Variants in CTBP2 observed in about 807,000 individuals in gnomAD.
CTBP2 encodes C-terminal binding protein 2.
In CTBP2, 30 loss-of-function variants were observed where a neutral mutation model predicts 80.3. The observed-to-expected ratio is 0.37, with a 90% CI of 0.28 to 0.51. The LOEUF (loss-of-function observed/expected upper bound fraction) is 0.51, where lower values mean the gene tolerates loss of function less well. CTBP2 is among the 20% of genes least tolerant of loss of function. The pLI is 0.93. For missense variants in CTBP2, 1,212 were observed against 1,375.3 expected (o/e 0.88, Z 1.88); for synonymous variants, 594 against 587.4 (o/e 1.01, Z -0.16).
At chr10:125,045,270 G>C (rs1960939853) in intron 2 of CTBP2, among the ~76,000 whole-genome samples, 2 of 152,238 alleles carry the variant, frequency 1.3e-5, no homozygotes, top group South Asian at 4.1e-4. Context: ...CATTTCCTAG[G>C]CTCCAGAGCT....
intron 2 of CTBP2, among the ~76,000 whole-genome samples, chr10:125,062,837 C>T (rs1166904196): frequency 2.6e-5 from 4 of 152,182 alleles, no homozygotes; most frequent in Non-Finnish European, 4.4e-5. Context: ...GGCGCCTGGG[C>T]AACAAAGCGA....
In CTBP2 at chr10:125,111,102, A is replaced by C. The variant is rs1298957566; in HGVS notation, c.-205-9T>G. ...TTTAAGGTGATGAAACCCTGAAAGCAAAATGAATGGAGTCAGTGAAGATGA... is the reference window on the plus strand; with the variant it reads ...TTTAAGGTGATGAAACCCTGAAAGCCAAATGAATGGAGTCAGTGAAGATGA... On this transcript the variant is annotated splice_polypyrimidine_tract_variant and intron_variant, in intron 1 of 10. Transcript: ENST00000337195. 1.3e-5 allele frequency: 2 copies of C among 152,592 alleles called. No individual in the cohort carries two copies. Among genetic ancestry groups the C allele is most frequent in the Non-Finnish European group, 2.9e-5 (2 of 68,044 alleles). The allele number at this position is 152,592 out of a possible 1,614,324, so 9.5% of individuals were successfully genotyped here. A position where few individuals can be genotyped will look rare whatever the true frequency, so the allele number is the denominator to read the frequency against.
chr10:125,153,570 TCTC>T (rs749973002), intron 1 of CTBP2, among the ~76,000 whole-genome samples: 14 of 152,130 alleles, frequency 9.2e-5, no homozygotes, highest in Admixed American at 5.9e-4. Context: ...TCCAAACTCT[TCTC>T]CTCTCATTTC....
At chr10:125,056,433 C>T (rs1289942295) in intron 2 of CTBP2, among the ~76,000 whole-genome samples, 2 of 152,190 alleles carry the variant, frequency 1.3e-5, no homozygotes, top group Non-Finnish European at 2.9e-5. Flanking sequence ...TCCCCGAAAC[C>T]TCAGGTGCAG....
intron 3 of CTBP2, among the ~76,000 whole-genome samples, chr10:125,034,993 G>A (rs563819746): frequency 1.2e-4 from 18 of 152,126 alleles, no homozygotes; most frequent in Non-Finnish European, 2.2e-4. Context: ...TTCCTTATAC[G>A]TATGGATGAC....
chr10:125,029,395 C>G (rs1329728588), upstream of CTBP2, among the ~76,000 whole-genome samples: 1 of 152,024 alleles, frequency 6.6e-6, no homozygotes, highest in Non-Finnish European at 1.5e-5. Context: ...GTGTGCACCA[C>G]CACACCCAGC....
At chr10:125,044,320 C>T (rs1406080142) in intron 2 of CTBP2, among the ~76,000 whole-genome samples, 1 of 106,490 alleles carries the variant, frequency 9.4e-6, no homozygotes, top group Non-Finnish European at 2.2e-5. Context: ...CACACATAGC[C>T]GAGGATCCTG....
intron 1 of CTBP2, chr10:125,133,379 TCAATCC>T (rs1201812780): frequency 1.3e-5 from 2 of 152,240 alleles, no homozygotes; most frequent in Non-Finnish European, 2.9e-5. Context: ...AAGATGTGTC[TCAATCC>T]CATCGTGCCC....
rs74163306 is a variant in CTBP2, at chr10:125,014,098, G to A, written c.1679-10606C>T. 5.9e-3 allele frequency among the ~76,000 whole-genome samples: 891 copies of A among 152,256 alleles called. 12 individuals carry two copies. Among genetic ancestry groups the A allele is most frequent in the African/African-American group, 0.02 (843 of 41,540 alleles). On this transcript the variant is annotated intron_variant, in intron 1 of 8. Transcript: ENST00000309035. ...TCATCATGGTAACTGTTATCAGAAC[G>A]GCGGAGAACAGAAGGGCACATCCAA... is the stretch of plus-strand genomic sequence containing the variant.
At chr10:125,053,180 G>A (rs1370198631) in intron 2 of CTBP2, among the ~76,000 whole-genome samples, 1 of 152,164 alleles carries the variant, frequency 6.6e-6, no homozygotes, top group African/African-American at 2.4e-5. Flanking sequence ...TGCCCCTCAG[G>A]GCAGGTGCAG....
intron 2 of CTBP2, among the ~76,000 whole-genome samples, chr10:125,041,942 G>A (rs1441627785): frequency 4.7e-5 from 7 of 148,568 alleles, no homozygotes; most frequent in Admixed American, 4.0e-4. Flanking sequence ...AAAAAAAAAA[G>A]AGGCTGACTC....
chr10:125,149,353 C>A (rs1025049928), intron 1 of CTBP2, among the ~76,000 whole-genome samples: 1 of 152,162 alleles, frequency 6.6e-6, no homozygotes, highest in Non-Finnish European at 1.5e-5. Flanking sequence ...GGCCCCACCA[C>A]CCTCTTCCAG....
At chr10:125,003,190 C>A in intron 2 of CTBP2, 86 bp from the exon 5 acceptor site, 2 of 1,596,270 alleles carry the variant, frequency 1.3e-6, no homozygotes, top group South Asian at 1.1e-5. Context: ...CCCTATCACC[C>A]TTGAACCTGA....
chr10:125,097,986 C>T (rs1273798162), intron 2 of CTBP2, among the ~76,000 whole-genome samples: 5 of 152,008 alleles, frequency 3.3e-5, no homozygotes, highest in African/African-American at 7.2e-5. Flanking sequence ...CTGGGTGTGG[C>T]GGCGGGCGCC....
upstream of CTBP2, among the ~76,000 whole-genome samples, chr10:125,028,569 G>A (rs1204745475): frequency 2.6e-5 from 4 of 152,222 alleles, no homozygotes; most frequent in Admixed American, 6.5e-5. Flanking sequence ...ACAGGTTTCC[G>A]AGCTCAAGCC....
intron 2 of CTBP2, among the ~76,000 whole-genome samples, chr10:125,108,889 G>A (rs1851868629): frequency 6.6e-6 from 1 of 152,220 alleles, no homozygotes; most frequent in Admixed American, 6.5e-5. Context: ...TTACCCAAAA[G>A]GATGCCAAAA....
chr10:125,035,025 C>T (rs1958704301), intron 3 of CTBP2, among the ~76,000 whole-genome samples: 1 of 152,174 alleles, frequency 6.6e-6, no homozygotes, highest in Non-Finnish European at 1.5e-5. Context: ...GTACATCCCA[C>T]TGACATGTGC....
At chr10:124,989,894 G>A (rs1406804889) in intron 8 of CTBP2, among the ~76,000 whole-genome samples, 196 bp from the exon 11 acceptor site, 1 of 152,040 alleles carries the variant, frequency 6.6e-6, no homozygotes, top group African/African-American at 2.4e-5. Context: ...GAGCCACCAC[G>A]CCTAGCTAGT....
chr10:125,007,111 G>A (rs1000262957), intron 1 of CTBP2, among the ~76,000 whole-genome samples: 1 of 152,232 alleles, frequency 6.6e-6, no homozygotes, highest in Non-Finnish European at 1.5e-5. Context: ...ACCGTCTCCC[G>A]CCAGTAAACC....
Sources: allele counts gnomAD v4.1 joint callset (sites outside exome capture counted in the v4.1 genomes callset), GRCh38; gene constraint gnomAD v4.1.1; transcripts MANE v1.5; gene names NCBI Gene and HGNC (gene_info 2026-07-23, HGNC 2026-07-21).